The following RBFOX1 variants were observed in gnomAD, a reference collection of about 807,000 sequenced individuals.
The protein encoded by RBFOX1 is RNA binding protein fox-1 homolog 1.
A neutral mutation model predicts 57.7 loss-of-function variants in RBFOX1; 8 were observed. The ratio of observed to expected loss-of-function variants is 0.14; its 90% CI spans 0.08 to 0.25. RBFOX1 has a LOEUF of 0.25. Among genes scored for constraint, RBFOX1 ranks in the 10% least tolerant of loss-of-function variants. The probability of loss-of-function intolerance (pLI) is 1.00; values close to 1 mark genes in which losing one functional copy is unlikely to be tolerated. For missense variants in RBFOX1, 611 were observed against 548.5 expected, an observed-to-expected ratio of 1.11 and a Z score of -1.14; for synonymous variants, 326 against 222.4, an observed-to-expected ratio of 1.47 and a Z score of -4.15.
chr16:7,448,925 C>CTGTTT (rs1555462858), intron 4 of RBFOX1, among the ~76,000 whole-genome samples: 3 of 28,778 alleles, frequency 1.0e-4, no homozygotes, highest in Non-Finnish European at 2.2e-4. Context: ...TTTCTTTCCC[C>CTGTTT]TGTTTTTTTT....
At chr16:6,653,470 G>A (rs1417267207) in intron 2 of RBFOX1, among the ~76,000 whole-genome samples, 1 of 152,130 alleles carries the variant, frequency 6.6e-6, no homozygotes, top group East Asian at 1.9e-4. Flanking sequence ...TTGCTTGTGG[G>A]ACTGTGTCTG....
At chr16:7,692,401 T>C (rs1234211408) in intron 14 of RBFOX1, among the ~76,000 whole-genome samples, 2 of 152,138 alleles carry the variant, frequency 1.3e-5, no homozygotes, top group East Asian at 3.9e-4. Flanking sequence ...CATCACTAGA[T>C]ACCTTTTGAA....
chr16:6,654,898 T>G (rs993963070), intron 3 of RBFOX1, among the ~76,000 whole-genome samples: 3 of 151,370 alleles, frequency 2.0e-5, no homozygotes, highest in African/African-American at 7.3e-5. Flanking sequence ...TGATTTCTGT[T>G]TCAGTCATAC....
chr16:6,944,465 C>A (rs992702215), intron 3 of RBFOX1, among the ~76,000 whole-genome samples: 3 of 151,932 alleles, frequency 2.0e-5, no homozygotes, highest in Non-Finnish European at 2.9e-5. Context: ...ACTTCCCTGC[C>A]TTACATGACT....
intron 11 of RBFOX1, among the ~76,000 whole-genome samples, chr16:7,643,267 C>T (rs1389371165): frequency 6.6e-6 from 1 of 152,158 alleles, no homozygotes; most frequent in Non-Finnish European, 1.5e-5. Flanking sequence ...TTTGGGAACA[C>T]CAGACTCGTT....
intron 1 of RBFOX1, among the ~76,000 whole-genome samples, chr16:5,293,512 C>A (rs563330003): frequency 6.6e-6 from 1 of 152,156 alleles, no homozygotes; most frequent in Non-Finnish European, 1.5e-5. Context: ...GAGACAATAC[C>A]AAGGCTCTCT....
intron 1 of RBFOX1, among the ~76,000 whole-genome samples, chr16:6,212,151 C>G (rs763495894): frequency 9.9e-5 from 15 of 152,054 alleles, no homozygotes; most frequent in Non-Finnish European, 2.1e-4. Flanking sequence ...AGCCACTGTC[C>G]TCGGCCAATA....
intron 1 of RBFOX1, among the ~76,000 whole-genome samples, chr16:6,185,532 C>G (rs2097099659): frequency 6.6e-6 from 1 of 152,252 alleles, no homozygotes; most frequent in Admixed American, 6.5e-5. Context: ...TCTCTTTCCA[C>G]TGCATCCTTG....
chr16:6,631,919 T>G (rs565313820), intron 2 of RBFOX1, among the ~76,000 whole-genome samples: 1 of 152,010 alleles, frequency 6.6e-6, no homozygotes. Flanking sequence ...CAGGAAAAGG[T>G]AGGAGAGGTC....
chr16:5,424,939 CTCTT>C lies in RBFOX1; in HGVS notation c.220-42276_220-42273del, dbSNP rs2067488229. Among the ~76,000 whole-genome samples, 5 of 68,812 alleles carry C rather than the reference CTCTT, an allele frequency of 7.3e-5. 1 individual carries two copies. The South Asian group carries it at 1.3e-3, about 18-fold the overall frequency. The allele number at this position is 68,812 out of a possible 152,430, so 45.1% of individuals were successfully genotyped here. A position where few individuals can be genotyped will look rare whatever the true frequency, so the allele number is the denominator to read the frequency against. ...TCTTTCTTTCTTTCTTTCTTTCTCT[CTCTT>C]CTTTCTTCCTTTGTTTCTTTCTCTT... is the stretch of plus-strand genomic sequence containing the variant. On this transcript the variant is annotated intron_variant, in intron 1 of 2. Coordinates refer to the RBFOX1 transcript ENST00000585867.
chr16:7,196,312 G>C (rs769988213), intron 4 of RBFOX1, among the ~76,000 whole-genome samples: 25 of 152,114 alleles, frequency 1.6e-4, no homozygotes, highest in Non-Finnish European at 3.2e-4. Flanking sequence ...CTTTCATCCT[G>C]AAGATGTCTC....
At chr16:6,659,129 T>C (rs1568090257) in intron 3 of RBFOX1, among the ~76,000 whole-genome samples, 1 of 151,996 alleles carries the variant, frequency 6.6e-6, no homozygotes, top group Non-Finnish European at 1.5e-5. Context: ...ATTTGTGGTG[T>C]AAAATCCACC....
chr16:6,761,497 C>T (rs1196037670), intron 3 of RBFOX1, among the ~76,000 whole-genome samples: 5 of 57,228 alleles, frequency 8.7e-5, no homozygotes, highest in Non-Finnish European at 2.1e-4. Flanking sequence ...TTCTCCCAAT[C>T]TCCTTTTTTT....
chr16:7,070,007 T>A (rs566627367), intron 4 of RBFOX1, among the ~76,000 whole-genome samples: 3 of 152,198 alleles, frequency 2.0e-5, no homozygotes, highest in Admixed American at 6.5e-5. Flanking sequence ...GATATTCTCA[T>A]CATCATCCTT....
intron 11 of RBFOX1, among the ~76,000 whole-genome samples, chr16:7,648,511 C>G (rs1036705144): frequency 1.3e-5 from 2 of 152,180 alleles, no homozygotes; most frequent in African/African-American, 4.8e-5. Context: ...GTGTGAGACA[C>G]TGTGCCTGAC....
chr16:5,675,644 G>A (rs530721928), intron 3 of RBFOX1, among the ~76,000 whole-genome samples: 5 of 152,298 alleles, frequency 3.3e-5, no homozygotes, highest in South Asian at 4.1e-4. Flanking sequence ...GCGTGTCATC[G>A]TGCAGCCCGT....
chr16:5,882,568 G>T (rs1439757135), intron 4 of RBFOX1, among the ~76,000 whole-genome samples: 1 of 152,140 alleles, frequency 6.6e-6, no homozygotes, highest in East Asian at 1.9e-4. Context: ...GACCTGGAGG[G>T]CTCATGATTT....
At chr16:6,083,865 C>G (rs2096047625) in intron 1 of RBFOX1, among the ~76,000 whole-genome samples, 2 of 152,140 alleles carry the variant, frequency 1.3e-5, no homozygotes, top group Non-Finnish European at 2.9e-5. Context: ...CACTGGCAAT[C>G]TTTAAGCAGA....
intron 1 of RBFOX1, among the ~76,000 whole-genome samples, chr16:5,418,251 T>C (rs1347254937): frequency 6.6e-6 from 1 of 151,884 alleles, no homozygotes; most frequent in East Asian, 1.9e-4. Flanking sequence ...TAGCTGTTTA[T>C]GACAATGATG....
Sources: allele counts gnomAD v4.1 joint callset (sites outside exome capture counted in the v4.1 genomes callset), GRCh38; gene constraint gnomAD v4.1.1; transcripts MANE v1.5; gene names NCBI Gene and HGNC (gene_info 2026-07-23, HGNC 2026-07-21).